The following FOXJ3 variants were observed in gnomAD, a reference collection of about 807,000 sequenced individuals.
FOXJ3 encodes the protein forkhead box J3.
In FOXJ3, 22 loss-of-function variants were observed where a neutral mutation model predicts 76.1. The observed-to-expected ratio is 0.29, with a 90% CI of 0.21 to 0.41. The LOEUF is 0.41. Among genes scored for constraint, FOXJ3 ranks in the 10% least tolerant of loss-of-function variants. FOXJ3 has a pLI of 1.00. For synonymous variants in FOXJ3, 269 were observed against 261.2 expected, an observed-to-expected ratio of 1.03 and a Z score of -0.29; for missense variants, 613 against 762.1, an observed-to-expected ratio of 0.80 and a Z score of 2.30.
chr1:42,295,059 A>G (rs1004582926), intron 2 of FOXJ3, among the ~76,000 whole-genome samples: 1 of 152,286 alleles, frequency 6.6e-6, no homozygotes, highest in African/African-American at 2.4e-5. Context: ...AAACCAAGCG[A>G]AGCTTTTTTA....
At chr1:42,327,968 T>TA (rs1655936519) in intron 1 of FOXJ3, among the ~76,000 whole-genome samples, 1 of 152,044 alleles carries the variant, frequency 6.6e-6, no homozygotes, top group African/African-American at 2.4e-5. Context: ...ACAATAAAAA[T>TA]AGATATCATG....
chr1:42,321,831 T>C (rs1557724100), intron 1 of FOXJ3, among the ~76,000 whole-genome samples: 1 of 151,974 alleles, frequency 6.6e-6, no homozygotes, highest in Non-Finnish European at 1.5e-5. Context: ...GATCAGTATA[T>C]GATTAAAGAG....
Position 42,305,830 on chromosome 1 carries a change from T to A in FOXJ3, c.44+5220A>T, listed in dbSNP as rs150702853. 3.1e-3 allele frequency among the ~76,000 whole-genome samples: 475 copies of A among 152,292 alleles called. 4 individuals are homozygous for A. The highest frequency in any genetic ancestry group is 0.011 in the African/African-American group (441 of 41,556). Reference sequence around the variant, plus strand: ...CAGGGTGACTACAGTCAGTAATAATTTAATTGTACATTTTTAAATAACTAA... The same window carrying A: ...CAGGGTGACTACAGTCAGTAATAATATAATTGTACATTTTTAAATAACTAA... On this transcript the variant is annotated intron_variant, in intron 2 of 12. Transcript: ENST00000361346.
At chr1:42,267,581 T>G (rs1211577712) in intron 3 of FOXJ3, among the ~76,000 whole-genome samples, 1 of 150,206 alleles carries the variant, frequency 6.7e-6, no homozygotes, top group Admixed American at 6.6e-5. Context: ...TTATAAGACA[T>G]AGAAAAGAAA....
At chr1:42,306,953 C>G (rs1421452491) in intron 2 of FOXJ3, among the ~76,000 whole-genome samples, 3 of 152,164 alleles carry the variant, frequency 2.0e-5, no homozygotes, top group Non-Finnish European at 4.4e-5. Flanking sequence ...ACTGCAGCAC[C>G]CCTACCCGTA....
intron 2 of FOXJ3, among the ~76,000 whole-genome samples, chr1:42,285,389 A>G (rs1186008603): frequency 3.9e-5 from 6 of 152,012 alleles, no homozygotes. Flanking sequence ...AGGTAAGTAG[A>G]GTACAAATGG....
chr1:42,208,400 T>C (rs1008036441), intron 5 of FOXJ3, among the ~76,000 whole-genome samples: 5 of 152,194 alleles, frequency 3.3e-5, no homozygotes, highest in Admixed American at 6.5e-5. Flanking sequence ...CATTAATAAA[T>C]GTGATTCACC....
chr1:42,214,820 AAAGTT>A (rs1244257766), intron 5 of FOXJ3, among the ~76,000 whole-genome samples: 1 of 152,258 alleles, frequency 6.6e-6, no homozygotes, highest in Non-Finnish European at 1.5e-5. Flanking sequence ...TGTAAGAGAG[AAAGTT>A]GAAAGACATA....
chr1:42,235,379 G>A (rs1290520469), intron 4 of FOXJ3, among the ~76,000 whole-genome samples: 4 of 149,314 alleles, frequency 2.7e-5, no homozygotes, highest in Admixed American at 6.6e-5. Context: ...GCCCTGCTTC[G>A]GCTCACGCTC....
chr1:42,284,008 T>C (rs1652893160), intron 2 of FOXJ3, among the ~76,000 whole-genome samples: 1 of 152,160 alleles, frequency 6.6e-6, no homozygotes, highest in African/African-American at 2.4e-5. Context: ...ATACTGAGCA[T>C]ATGGAAACAG....
intron 8 of FOXJ3, among the ~76,000 whole-genome samples, chr1:42,194,286 T>C (rs1348229791): frequency 6.6e-6 from 1 of 152,194 alleles, no homozygotes; most frequent in Admixed American, 6.5e-5. Context: ...AACCAGCAGC[T>C]AATGGGAAGA....
intron 5 of FOXJ3, among the ~76,000 whole-genome samples, chr1:42,207,400 G>A (rs1025193264): frequency 1.1e-4 from 17 of 152,264 alleles, no homozygotes; most frequent in Non-Finnish European, 1.9e-4. Flanking sequence ...TAACATGGGT[G>A]TTAAAAACAA....
chr1:42,275,154 A>C (rs1289892572), intron 3 of FOXJ3, among the ~76,000 whole-genome samples: 1 of 152,218 alleles, frequency 6.6e-6, no homozygotes, highest in Non-Finnish European at 1.5e-5. Context: ...ATGAGGCACA[A>C]TCCCTTCCCT....
intron 4 of FOXJ3, among the ~76,000 whole-genome samples, chr1:42,258,204 C>G: frequency 6.6e-6 from 1 of 152,134 alleles, no homozygotes. Context: ...TTATACCATG[C>G]CTTCATCTTT....
intron 11 of FOXJ3, among the ~76,000 whole-genome samples, chr1:42,184,604 A>G (rs1259198534): frequency 6.6e-6 from 1 of 152,070 alleles, no homozygotes; most frequent in Non-Finnish European, 1.5e-5. Flanking sequence ...GCAATGAAAA[A>G]ACACAACTCT....
At position 42,180,450 on chromosome 1, in the gene FOXJ3, C is replaced by T. The variant is rs529898188; in HGVS notation, c.1754-625G>A. 3.3e-5 allele frequency among the ~76,000 whole-genome samples: 5 copies of T among 152,108 alleles called. No individual in the cohort carries two copies. In the South Asian group the frequency reaches 1.0e-3, roughly 32 times the overall value. On this transcript the variant is annotated intron_variant, in intron 12 of 12. Transcript: ENST00000361346. ...TGATTCATTGGGTCTGTGTCTCCACCGTATCTTGACAGACCCCCCCCTTCT... is the reference window on the plus strand; with the variant it reads ...TGATTCATTGGGTCTGTGTCTCCACTGTATCTTGACAGACCCCCCCCTTCT...
chr1:42,256,489 G>C (rs1478578236), intron 4 of FOXJ3, among the ~76,000 whole-genome samples: 2 of 151,758 alleles, frequency 1.3e-5, no homozygotes, highest in African/African-American at 4.8e-5. Flanking sequence ...AATATCAACA[G>C]CCATCAGGAA....
intron 5 of FOXJ3, among the ~76,000 whole-genome samples, chr1:42,224,550 G>A (rs926773169): frequency 6.6e-6 from 1 of 151,796 alleles, no homozygotes; most frequent in Admixed American, 6.6e-5. Context: ...CTACTCGGAG[G>A]GGCTAAGGCA....
rs71065173 is a variant in FOXJ3, at chr1:42,316,333, C to CTTT, written c.-17-5226_-17-5224dup. Among the ~76,000 whole-genome samples the CTTT allele has an allele frequency of 5.4e-5, 4 of 73,916 alleles. 1 individual carries two copies. Among genetic ancestry groups the CTTT allele is most frequent in the Non-Finnish European group, 8.2e-5 (3 of 36,646 alleles). The allele number at this position is 73,916 out of a possible 152,430, so 48.5% of individuals were successfully genotyped here. Reference sequence around the variant, plus strand: ...ACAGGTGCACACCACTGCATTGGGCCTTTTTTTTTTTTTTTTCTGTAGAAA... The same window carrying CTTT: ...ACAGGTGCACACCACTGCATTGGGCCTTTTTTTTTTTTTTTTTTTCTGTAGAAA... On this transcript the variant is annotated intron_variant, in intron 1 of 12. Transcript: ENST00000361346.
Sources: allele counts gnomAD v4.1 joint callset (sites outside exome capture counted in the v4.1 genomes callset), GRCh38; gene constraint gnomAD v4.1.1; transcripts MANE v1.5; gene names NCBI Gene and HGNC (gene_info 2026-07-23, HGNC 2026-07-21).